The following LRP1 variants were observed in gnomAD, a reference collection of about 807,000 sequenced individuals.
LRP1 encodes prolow-density lipoprotein receptor-related protein 1.
LRP1 carries 51 observed loss-of-function variants against 541.5 expected under a neutral mutation model. The observed-to-expected ratio is 0.09, with a 90% CI of 0.08 to 0.12. LRP1 has a LOEUF of 0.12. Ranked by LOEUF, LRP1 falls within the 10% of genes least tolerant of loss-of-function variation. The pLI is 1.00. For synonymous variants in LRP1, 2,219 were observed against 2,470.8 expected (o/e 0.90, Z 3.02); for missense variants, 3,878 against 6,376.2 (o/e 0.61, Z 13.34).
In LRP1 at chr12:57,197,015, G is replaced by T. The variant is rs768476942; in HGVS notation, c.8926G>T (p.Asp2976Tyr). The change falls in exon 56 of 89, where the codon GAC (aspartate) becomes TAC (tyrosine). Residue 2976 changes from aspartate to tyrosine, a missense_variant. Coordinates refer to ENST00000243077, the MANE Select transcript of LRP1 (RefSeq NM_002332.3). The surrounding 1 kb of genome is among the most constrained non-coding windows in gnomAD (Gnocchi z 4.5). ...RCRPGFRLKD[D>Y]GRTCADVDEC... ...TCGCCCTGGCTTCCGGCTGAAGGAC[G>T]ACGGCCGGACGTGTGCTGATGTGGA... 2 of 1,613,460 alleles carry T rather than the reference G, an allele frequency of 1.2e-6. No individual in the cohort carries two copies. The highest frequency in any genetic ancestry group is 1.7e-6 in the Non-Finnish European group (2 of 1,179,930).
intron 52 of LRP1, 127 bp downstream of exon 52, chr12:57,195,526 G>A (rs2036512976): frequency 5.1e-6 from 8 of 1,569,142 alleles, no homozygotes; most frequent in African/African-American, 1.3e-5. Flanking sequence ...AGCCATAGCT[G>A]TAGCCCAGGT....
rs769453950 is a variant in LRP1, at chr12:57,195,764, T to G, written c.8544T>G (p.Asp2848Glu). Reference protein sequence around the residue: ...DHDRDCADGSDESPECEYPTC... With the variant: ...DHDRDCADGSEESPECEYPTC... ...ACCGTGACTGTGCAGATGGCTCTGA[T>G]GAGTCCCCCGAGTGTGGTGAGCCTT... The change falls in exon 53 of 89, where the codon GAT becomes GAG. Residue 2848 changes from aspartate to glutamate, a missense_variant. By Grantham distance (45) the Asp-to-Glu change is conservative. Transcript: ENST00000243077. 29 of 1,614,012 alleles carry G rather than the reference T, an allele frequency of 1.8e-5. No homozygotes were observed. Among genetic ancestry groups the G allele is most frequent in the Admixed American group, 1.0e-4 (6 of 60,008 alleles).
chr12:57,178,758 C>T lies in LRP1; in HGVS notation c.4607-132C>T, dbSNP rs560751320. The T allele has an allele frequency of 9.8e-5, 147 of 1,505,582 alleles. No homozygotes were observed. The African/African-American group carries it at 1.9e-3, about 20-fold the overall frequency. The allele number at this position is 1,505,582 out of a possible 1,614,324, so 93.3% of individuals were successfully genotyped here. A position where few individuals can be genotyped will look rare whatever the true frequency, so the allele number is the denominator to read the frequency against. On this transcript the variant is annotated intron_variant, in intron 27 of 88. Transcript: ENST00000243077. The surrounding 1 kb of genome is among the most constrained non-coding windows in gnomAD (Gnocchi z 5.8). ...GGCTGTTGACAGAGGCACTGTCTAG[C>T]AGCAGAGAAGGGTCTAGTAGTAGCG...
In LRP1 at chr12:57,163,042, G is replaced by A. The variant is rs35319643; in HGVS notation, c.2530+59G>A. The A allele has an allele frequency of 7.4e-3, 11,344 of 1,538,352 alleles. 66 individuals carry two copies. The highest frequency in any genetic ancestry group is 8.8e-3 in the Non-Finnish European group (10,077 of 1,143,538). ...CAGACCCCATCAGGAGGATGCCGAA[G>A]AGTGGGGAGGGGAGGATCCAGGGTC... On this transcript the variant is annotated intron_variant, in intron 15 of 88. Transcript: ENST00000243077.
At position 57,212,842 on chromosome 12, in the gene LRP1, T is replaced by G; in HGVS notation, c.*287T>G. 2.7e-6 allele frequency: 1 copy of G among 363,966 alleles called. No homozygotes were observed. The allele number at this position is 363,966 out of a possible 1,614,324, so 22.5% of individuals were successfully genotyped here. A position where few individuals can be genotyped will look rare whatever the true frequency, so the allele number is the denominator to read the frequency against. Reference sequence around the variant, plus strand: ...ACCCTCCCACCAGAACGCACCCCACTGGGAGAGCTGGTGGTGCAGCCTTCC... The same window carrying G: ...ACCCTCCCACCAGAACGCACCCCACGGGGAGAGCTGGTGGTGCAGCCTTCC... On this transcript the variant is annotated 3_prime_UTR_variant, in exon 89 of 89. Transcript: ENST00000243077. This position sits in a 1 kb window ranked among gnomAD's most constrained non-coding sequence, Gnocchi z 5.0.
In LRP1 at chr12:57,173,290, A is replaced by G; in HGVS notation, c.3286A>G (p.Ser1096Gly). 1 of 1,613,980 alleles carries G rather than the reference A, an allele frequency of 6.2e-7. No individual in the cohort carries two copies. Among genetic ancestry groups the G allele is most frequent in the Non-Finnish European group, 8.5e-7 (1 of 1,179,976 alleles). ...CTGCATGGACTCCAGCGATGAGAAGAGCTGTGAGGGAGTGACCCACGTCTG... is the reference window on the plus strand; with the variant it reads ...CTGCATGGACTCCAGCGATGAGAAGGGCTGTGAGGGAGTGACCCACGTCTG... ...TDCMDSSDEKSCEGVTHVCDP... is the reference protein window; with the variant it reads ...TDCMDSSDEKGCEGVTHVCDP... The change falls in exon 21 of 89, where the codon AGC (serine) becomes GGC (glycine). Residue 1096 changes from serine (S) to glycine (G), a missense_variant. Ser to Gly is a moderately conservative substitution (Grantham distance 56). Coordinates refer to ENST00000243077, the MANE Select transcript of LRP1 (RefSeq NM_002332.3). This position sits in a 1 kb window ranked among gnomAD's most constrained non-coding sequence, Gnocchi z 4.7.
chr12:57,152,881 G>A (rs905965361), intron 6 of LRP1, among the ~76,000 whole-genome samples: 2 of 152,192 alleles, frequency 1.3e-5, no homozygotes, highest in South Asian at 2.1e-4. Flanking sequence ...TGAGAGCGGC[G>A]TTCCTGTTCT....
chr12:57,143,832 T>C (rs1297469749), intron 4 of LRP1, 34 bp downstream of exon 4: 8 of 1,590,552 alleles, frequency 5.0e-6, no homozygotes, highest in Non-Finnish European at 6.9e-6. Context: ...TGCATGTGTG[T>C]GTGCCAGTAG....
At position 57,211,771 on chromosome 12, in the gene LRP1, G is replaced by A. The variant is rs1592668149; in HGVS notation, c.13215G>A (p.Gly4405=). 1 of 1,613,096 alleles carries A rather than the reference G, an allele frequency of 6.2e-7. No individual in the cohort carries two copies. Among genetic ancestry groups the A allele is most frequent in the Middle Eastern group, 1.7e-4 (1 of 6,056 alleles). Residue 4405 remains glycine, a synonymous_variant, in exon 86 of 89, where the codon GGG becomes GGA. Coordinates refer to ENST00000243077, the MANE Select transcript of LRP1 (RefSeq NM_002332.3). The surrounding 1 kb of genome is among the most constrained non-coding windows in gnomAD (Gnocchi z 4.3). The stretch of plus-strand genomic sequence containing the variant: ...GCAGGTGCCCACCCCACATGACAGG[G>A]CCCCGGTGTGAGGAGCACGTCTTCA... The part of the protein sequence containing the change: ...PECQCPPHMT[G]PRCEEHVFSQ...
chr12:57,149,039 C>A, intron 6 of LRP1: 2 of 643,162 alleles, frequency 3.1e-6, no homozygotes, highest in East Asian at 2.9e-5. Flanking sequence ...AGAGGGGAGG[C>A]AAAGAAGGGG....
intron 6 of LRP1, among the ~76,000 whole-genome samples, chr12:57,145,693 T>C (rs1490308419): frequency 2.0e-5 from 3 of 152,200 alleles, no homozygotes; most frequent in Non-Finnish European, 4.4e-5. Context: ...AGCAAGTGTC[T>C]GGATGGCCCC....
chr12:57,161,141 G>A (rs377726804), intron 13 of LRP1, 26 bp downstream of exon 13: 3 of 1,604,672 alleles, frequency 1.9e-6, no homozygotes, highest in Non-Finnish European at 2.6e-6. Context: ...CCTGTGTGGG[G>A]GAATCTGTGT....
intron 22 of LRP1, 124 bp downstream of exon 22, chr12:57,174,104 C>A: frequency 1.0e-6 from 1 of 972,892 alleles, no homozygotes; most frequent in Admixed American, 2.1e-5. Flanking sequence ...GCGAGCAGCA[C>A]CCAGAGTGGT....
intron 70 of LRP1, 56 bp downstream of exon 70, chr12:57,203,577 A>C (rs1592659908): frequency 6.9e-7 from 1 of 1,451,050 alleles, no homozygotes; most frequent in African/African-American, 1.4e-5. Flanking sequence ...ACCCCGCCAC[A>C]TGGCCCAGTC....
In LRP1 at chr12:57,209,219, C is replaced by T. The variant is rs765627339; in HGVS notation, c.12262+20C>T. ...AACGAGGTCAGAGCCCGGCATAAGT[C>T]GCAGTCCCCAGCCCTGTCCCCAGCC... is the stretch of plus-strand genomic sequence containing the variant. On this transcript the variant is annotated intron_variant, in intron 79 of 88. Coordinates refer to ENST00000243077, the MANE Select transcript of LRP1 (RefSeq NM_002332.3). 2 of 1,593,604 alleles carry T rather than the reference C, an allele frequency of 1.3e-6. No individual in the cohort carries two copies. The highest frequency in any genetic ancestry group is 1.1e-5 in the South Asian group (1 of 90,584).
intron 58 of LRP1, 98 bp from the exon 59 acceptor site, chr12:57,198,058 C>T (rs1033627595): frequency 5.7e-6 from 6 of 1,043,880 alleles, no homozygotes; most frequent in Non-Finnish European, 8.4e-6. Context: ...AGAGGGAGCT[C>T]TACCCCATTT....
In LRP1 at chr12:57,212,147, C is replaced by G. The variant is rs1199328928; in HGVS notation, c.13380C>G (p.Thr4460=). 1.2e-6 allele frequency: 2 copies of G among 1,613,996 alleles called. No individual in the cohort carries two copies. The highest frequency in any genetic ancestry group is 4.5e-5 in the East Asian group (2 of 44,886). ...AGGGCTTCCAGCACCAACGGATGAC[C>G]AACGGGGCCATGAACGTGGAGATTG... ...GAKGFQHQRM[T]NGAMNVEIGN... The change falls in exon 88 of 89, where the codon ACC becomes ACG. Residue 4460 remains threonine (T), a synonymous_variant. Transcript: ENST00000243077. This position sits in a 1 kb window ranked among gnomAD's most constrained non-coding sequence, Gnocchi z 5.0.
Position 57,197,804 on chromosome 12 carries a change from C to G in LRP1, c.9282+140C>G. ...ACTATATGACTGCTTGTTCTAGCTGCTCACTCTCCTCTGGGCCCAGACAGC... is the reference window on the plus strand; with the variant it reads ...ACTATATGACTGCTTGTTCTAGCTGGTCACTCTCCTCTGGGCCCAGACAGC... On this transcript the variant is annotated intron_variant, in intron 58 of 88. Coordinates refer to ENST00000243077, the MANE Select transcript of LRP1 (RefSeq NM_002332.3). This position sits in a 1 kb window ranked among gnomAD's most constrained non-coding sequence, Gnocchi z 4.5. 2.0e-6 allele frequency: 2 copies of G among 978,648 alleles called. No individual in the cohort carries two copies. Among genetic ancestry groups the G allele is most frequent in the Non-Finnish European group, 3.0e-6 (2 of 675,262 alleles). 60.6% of individuals were successfully genotyped at this position (978,648 alleles called of 1,614,324 possible).
At chr12:57,195,475 T>C in intron 52 of LRP1, 76 bp downstream of exon 52, 2 of 1,585,130 alleles carry the variant, frequency 1.3e-6, no homozygotes, top group Non-Finnish European at 1.7e-6. Flanking sequence ...GAAGCCGGGG[T>C]GCAGGAGAGG....
Sources: allele counts gnomAD v4.1 joint callset (sites outside exome capture counted in the v4.1 genomes callset), GRCh38; gene constraint gnomAD v4.1.1; non-coding constraint Gnocchi (gnomAD v3.1); transcripts MANE v1.5; gene names NCBI Gene and HGNC (gene_info 2026-07-23, HGNC 2026-07-21).